The following MICAL3 variants were observed in gnomAD, a reference collection of about 807,000 sequenced individuals.
MICAL3 encodes the protein microtubule associated monooxygenase, calponin and LIM domain containing 3.
A neutral mutation model predicts 207.4 loss-of-function variants in MICAL3; 62 were observed. The ratio of observed to expected loss-of-function variants is 0.30; its 90% CI spans 0.24 to 0.37. The LOEUF (loss-of-function observed/expected upper bound fraction) is 0.37, where lower values mean the gene tolerates loss of function less well. Among genes scored for constraint, MICAL3 ranks in the 10% least tolerant of loss-of-function variants. MICAL3 has a pLI of 1.00. For synonymous variants in MICAL3, 1,077 were observed against 1,069.3 expected, an observed-to-expected ratio of 1.01 and a Z score of -0.14; for missense variants, 2,368 against 2,635.6, an observed-to-expected ratio of 0.90 and a Z score of 2.22.
At chr22:18,007,477 C>T (rs1416041493) in intron 1 of MICAL3, among the ~76,000 whole-genome samples, 2 of 151,740 alleles carry the variant, frequency 1.3e-5, no homozygotes, top group Non-Finnish European at 2.9e-5. Flanking sequence ...ATTTTCCAGG[C>T]TGGAGTGCAG....
intron 28 of MICAL3, 61 bp downstream of exon 28, chr22:17,810,642 T>G: frequency 7.5e-7 from 1 of 1,330,674 alleles, no homozygotes; most frequent in Non-Finnish European, 1.1e-6. Flanking sequence ...GCTGGGTGGA[T>G]AGGGAGATGC....
intron 1 of MICAL3, among the ~76,000 whole-genome samples, chr22:17,921,486 T>C (rs1287367328): frequency 6.6e-6 from 1 of 152,182 alleles, no homozygotes; most frequent in East Asian, 1.9e-4. Context: ...CAGCTGCCTC[T>C]TAATCTTTTC....
rs201378604 is a variant in MICAL3, at chr22:17,817,777, G to A, written c.4884C>T (p.Gly1628=). The A allele has an allele frequency of 3.1e-5, 49 of 1,597,616 alleles. No homozygotes were observed. Among genetic ancestry groups the A allele is most frequent in the Admixed American group, 1.7e-4 (10 of 58,998 alleles). The part of the protein sequence containing the change: ...SRMQQMELAS[G]APRPRKASSA... ...AGGACGCCTTGCGGGGCCTGGGGGC[G>A]CCTGAGGCCAGCTCCATCTGCTGCA... Residue 1628 remains glycine (G), a synonymous_variant, in exon 26 of 32, where the codon GGC becomes GGT. Coordinates refer to ENST00000441493, the MANE Select transcript of MICAL3 (RefSeq NM_015241.3).
intron 1 of MICAL3, among the ~76,000 whole-genome samples, chr22:17,998,041 C>T (rs566228650): frequency 1.6e-4 from 25 of 152,230 alleles, no homozygotes; most frequent in African/African-American, 6.0e-4. Context: ...GTGGCTTACG[C>T]CTGTAATCTC....
At chr22:17,891,767 T>C (rs994843593) in intron 11 of MICAL3, 135 bp from the exon 12 acceptor site, 1 of 756,412 alleles carries the variant, frequency 1.3e-6, no homozygotes, top group Admixed American at 2.7e-5. Context: ...CTAGTTTCCA[T>C]GCAAAGAAAA....
intron 7 of MICAL3, among the ~76,000 whole-genome samples, chr22:17,897,240 T>G (rs893954684): frequency 6.6e-6 from 1 of 151,846 alleles, no homozygotes; most frequent in African/African-American, 2.4e-5. Context: ...CTGGTCAACA[T>G]GATGAAACCC....
intron 1 of MICAL3, among the ~76,000 whole-genome samples, chr22:17,938,221 A>G (rs1269524347): frequency 6.6e-6 from 1 of 152,222 alleles, no homozygotes; most frequent in Non-Finnish European, 1.5e-5. Flanking sequence ...AGAGGATGAC[A>G]ACATTCAAAC....
rs191747728 is a variant in MICAL3 at position 17,812,759 on chromosome 22, C to T, written c.5446-1946G>A. ...AATCTGGGTGTGAAGATCCTAGCGGCGGCGTCTGAGTGGACCTGGTTTTGA... is the reference window on the plus strand; with the variant it reads ...AATCTGGGTGTGAAGATCCTAGCGGTGGCGTCTGAGTGGACCTGGTTTTGA... On this transcript the variant is annotated intron_variant, in intron 27 of 31. Coordinates refer to ENST00000441493, the MANE Select transcript of MICAL3 (RefSeq NM_015241.3). The T allele has an allele frequency of 1.1e-3, 174 of 157,796 alleles. 2 individuals are homozygous for T. The highest frequency in any genetic ancestry group is 3.3e-3 in the African/African-American group (139 of 41,618). The allele number at this position is 157,796 out of a possible 1,614,324, so 9.8% of individuals were successfully genotyped here.
chr22:17,857,638 GAT>G (rs1449313078), intron 19 of MICAL3, among the ~76,000 whole-genome samples: 1 of 152,210 alleles, frequency 6.6e-6, no homozygotes, highest in Non-Finnish European at 1.5e-5. Flanking sequence ...AAGAAATAGA[GAT>G]AAAGAAAACA....
chr22:17,814,154 G>A (rs1187122549), intron 27 of MICAL3: 1 of 152,108 alleles, frequency 6.6e-6, no homozygotes, highest in Non-Finnish European at 1.5e-5. Context: ...TTCCGAGGCA[G>A]GTCAAACCCC....
At chr22:17,849,687 T>TGTGTG (rs1925072458) in intron 19 of MICAL3, among the ~76,000 whole-genome samples, 2 of 101,446 alleles carry the variant, frequency 2.0e-5, no homozygotes, top group African/African-American at 8.3e-5. Context: ...TGTGTGTGTG[T>TGTGTG]ATTTTTTTTT....
chr22:17,902,804 C>T lies in MICAL3; in HGVS notation c.473-57G>A, dbSNP rs938691176. 2.6e-5 allele frequency: 28 copies of T among 1,090,180 alleles called. No individual in the cohort carries two copies. Among genetic ancestry groups the T allele is most frequent in the African/African-American group, 1.4e-4 (9 of 64,102 alleles). The allele number at this position is 1,090,180 out of a possible 1,614,324, so 67.5% of individuals were successfully genotyped here. A position where few individuals can be genotyped will look rare whatever the true frequency, so the allele number is the denominator to read the frequency against. On this transcript the variant is annotated intron_variant, in intron 3 of 31. Transcript: ENST00000441493. This position sits in a 1 kb window ranked among gnomAD's most constrained non-coding sequence, Gnocchi z 4.5. ...ACACATGGAGAAGGGGGTACCCATC[C>T]GTGTCGCAGCTCAGGCTCCCACCCC...
chr22:17,874,807 G>C (rs189198544), intron 16 of MICAL3, among the ~76,000 whole-genome samples: 29 of 152,164 alleles, frequency 1.9e-4, no homozygotes, highest in Non-Finnish European at 3.5e-4. Flanking sequence ...AATCTCTCTA[G>C]AAACTCCCTA....
intron 16 of MICAL3, among the ~76,000 whole-genome samples, chr22:17,877,288 TGGAGGTTAGGGAGGTTATGGAGGTTAG>T: frequency 1.8e-4 from 10 of 54,210 alleles, no homozygotes; most frequent in Admixed American, 4.0e-4. Flanking sequence ...AGGGAGGTTA[TGGAGGTTAGGGAGGTTATGGAGGTTAG>T]GGAGGTTAGG....
chr22:17,822,277 G>A, intron 23 of MICAL3, 107 bp from the exon 24 acceptor site: 1 of 1,375,878 alleles, frequency 7.3e-7, no homozygotes, highest in Non-Finnish European at 9.7e-7. Context: ...CAGCTGCTCA[G>A]GTGCAGGCCT....
chr22:17,940,752 G>C (rs1264236477), intron 1 of MICAL3, among the ~76,000 whole-genome samples: 2 of 152,132 alleles, frequency 1.3e-5, no homozygotes, highest in African/African-American at 4.8e-5. Flanking sequence ...GAATACTCAA[G>C]CAGTTAAAGA....
Position 17,811,945 on chromosome 22 carries a change from C to T in MICAL3, c.5446-1132G>A, listed in dbSNP as rs573025212. Reference sequence around the variant, plus strand: ...ATTTTTTTTTGCAGAGACGGGATCTCGTTATATTGCCCAAGCTGGTCTTAA... The same window carrying T: ...ATTTTTTTTTGCAGAGACGGGATCTTGTTATATTGCCCAAGCTGGTCTTAA... On this transcript the variant is annotated intron_variant, in intron 27 of 31. Transcript: ENST00000441493. Among the ~76,000 whole-genome samples, 34 of 152,242 alleles carry T rather than the reference C, an allele frequency of 2.2e-4. No homozygotes were observed. The South Asian group carries it at 3.3e-3, about 15-fold the overall frequency.
chr22:17,888,292 A>G (rs1249759510), intron 13 of MICAL3, among the ~76,000 whole-genome samples: 1 of 151,926 alleles, frequency 6.6e-6, no homozygotes, highest in Non-Finnish European at 1.5e-5. Flanking sequence ...CAGACCCCAC[A>G]GCCAACACTC....
intron 1 of MICAL3, among the ~76,000 whole-genome samples, chr22:17,945,473 AAAAC>A (rs1934020854): frequency 6.6e-6 from 1 of 152,178 alleles, no homozygotes; most frequent in South Asian, 2.1e-4. Context: ...ACCTCAAAGA[AAAAC>A]AACCCGAAAC....
Sources: gnomAD v4.1 joint callset for allele counts (sites outside exome capture counted in the v4.1 genomes callset) on GRCh38, gnomAD v4.1.1 for gene constraint, Gnocchi (gnomAD v3.1) non-coding constraint, MANE v1.5 for transcripts, NCBI Gene and HGNC (gene_info 2026-07-23, HGNC 2026-07-21) for gene names.